The following PCDHGA5 variants were observed in gnomAD, a reference collection of about 807,000 sequenced individuals.
The protein encoded by PCDHGA5 is protocadherin gamma subfamily A, 5, also known as protocadherin gamma-A5.
In PCDHGA5, 36 loss-of-function variants were observed where a neutral mutation model predicts 56.7. The observed-to-expected ratio is 0.64, with a 90% CI of 0.49 to 0.84. The LOEUF is 0.84. PCDHGA5 is among the 40% of genes least tolerant of loss of function. The probability of loss-of-function intolerance (pLI) is 0.00; values close to 1 mark genes in which losing one functional copy is unlikely to be tolerated. For synonymous variants in PCDHGA5, 563 were observed against 520.2 expected (o/e 1.08, Z -1.12); for missense variants, 1,305 against 1,201.5 (o/e 1.09, Z -1.27).
Position 141,511,380 on chromosome 5 carries a change from C to T in PCDHGA5, c.*207C>T, listed in dbSNP as rs896762148. 1.5e-5 allele frequency: 18 copies of T among 1,170,372 alleles called. No homozygotes were observed. The highest frequency in any genetic ancestry group is 3.0e-4 in the Middle Eastern group (1 of 3,384). 72.5% of individuals were successfully genotyped at this position (1,170,372 alleles called of 1,614,324 possible). ...GGGGTTGAATATGCAAAAGCAGTTC[C>T]GCTGGGAACCCCCATCCAATCAACT... is the stretch of plus-strand genomic sequence containing the variant. On this transcript the variant is annotated 3_prime_UTR_variant, in exon 4 of 4. Coordinates refer to ENST00000518069, the MANE Select transcript of PCDHGA5 (RefSeq NM_018918.3).
intron 1 of PCDHGA5, among the ~76,000 whole-genome samples, chr5:141,457,046 T>A (rs2098905373): frequency 6.6e-6 from 1 of 152,198 alleles, no homozygotes; most frequent in South Asian, 2.1e-4. Flanking sequence ...ATAGTAAAAC[T>A]TTCATGCTTC....
At chr5:141,392,229 TTC>T (rs1184019586) in intron 1 of PCDHGA5, 5 of 152,224 alleles carry the variant, frequency 3.3e-5, no homozygotes, top group Admixed American at 6.5e-5. Context: ...ACAACTGAAG[TTC>T]TTAGTTATTT....
At chr5:141,410,161 ACT>A (rs758781174) in intron 1 of PCDHGA5, 27 of 1,613,102 alleles carry the variant, frequency 1.7e-5, no homozygotes, top group South Asian at 1.1e-5. Flanking sequence ...GACAGCCGCC[ACT>A]CTCTGCCACC....
At chr5:141,384,386 T>C in intron 1 of PCDHGA5, 1 of 1,613,954 alleles carries the variant, frequency 6.2e-7, no homozygotes, top group Non-Finnish European at 8.5e-7. Flanking sequence ...GAAGACACCA[T>C]CCAGGGGGCT....
In PCDHGA5 at chr5:141,481,399, T is replaced by G. The variant is rs35677249; in HGVS notation, c.2422-13408T>G. 1.9e-3 allele frequency among the ~76,000 whole-genome samples: 284 copies of G among 152,356 alleles called. 1 individual carries two copies. Among genetic ancestry groups the G allele is most frequent in the Middle Eastern group, 0.01 (3 of 294 alleles). ...TTCTTTTTGGAGGGATGTGACAAAA[T>G]TCTTGTATAATTAGATTGTGATGAT... is the stretch of plus-strand genomic sequence containing the variant. On this transcript the variant is annotated intron_variant, in intron 1 of 3. Transcript: ENST00000518069.
intron 1 of PCDHGA5, among the ~76,000 whole-genome samples, chr5:141,464,139 C>T (rs1200161549): frequency 6.6e-6 from 1 of 151,928 alleles, no homozygotes; most frequent in Admixed American, 6.6e-5. Flanking sequence ...GTGGTGGGCG[C>T]CTGTAGTCCC....
chr5:141,364,495 G>A lies in PCDHGA5; in HGVS notation c.165G>A (p.Glu55=). 2 of 1,614,036 alleles carry A rather than the reference G, an allele frequency of 1.2e-6. No individual in the cohort carries two copies. The highest frequency in any genetic ancestry group is 1.7e-6 in the Non-Finnish European group (2 of 1,179,906). The change falls in exon 1 of 4, where the codon GAG becomes GAA. Residue 55 remains glutamate (E), a synonymous_variant. Coordinates refer to ENST00000518069, the MANE Select transcript of PCDHGA5 (RefSeq NM_018918.3). ...VGNIAKDLGL[E]PQELAERGVR... Reference sequence around the variant, plus strand: ...ACATAGCCAAGGACCTTGGGCTGGAGCCCCAGGAGCTGGCGGAGCGCGGAG... The same window carrying A: ...ACATAGCCAAGGACCTTGGGCTGGAACCCCAGGAGCTGGCGGAGCGCGGAG...
At chr5:141,393,304 T>G (rs1317637425) in intron 1 of PCDHGA5, 3 of 1,613,680 alleles carry the variant, frequency 1.9e-6, no homozygotes, top group Admixed American at 1.7e-5. Context: ...GATGTGGGCG[T>G]GAACTCCCTC....
intron 1 of PCDHGA5, among the ~76,000 whole-genome samples, chr5:141,483,276 TA>T (rs755290434): frequency 2.2e-4 from 33 of 152,238 alleles, no homozygotes; most frequent in Non-Finnish European, 3.8e-4. Context: ...TTAGAAATAT[TA>T]TTCTGTCAGT....
chr5:141,382,075 C>T (rs1474505918), intron 1 of PCDHGA5, among the ~76,000 whole-genome samples: 3 of 151,956 alleles, frequency 2.0e-5, no homozygotes, highest in Non-Finnish European at 4.4e-5. Flanking sequence ...GTGATCCGCC[C>T]GCCTCGGCCT....
intron 2 of PCDHGA5, among the ~76,000 whole-genome samples, chr5:141,501,868 C>G (rs1016056445): frequency 1.3e-5 from 2 of 152,120 alleles, no homozygotes; most frequent in African/African-American, 2.4e-5. Flanking sequence ...TCCCAGGACG[C>G]CTCCTTACAC....
In PCDHGA5 at chr5:141,385,469, C is replaced by T. The variant is rs536184133; in HGVS notation, c.2421+18718C>T. 3.5e-5 allele frequency: 50 copies of T among 1,439,702 alleles called. No homozygotes were observed. In the South Asian group the frequency reaches 7.4e-4, roughly 21 times the overall value. The allele number at this position is 1,439,702 out of a possible 1,614,324, so 89.2% of individuals were successfully genotyped here. ...GTTTACCAGTTTCCTTCAGTGGTGA[C>T]ACTTTAATATAGAACACATAGGATA... On this transcript the variant is annotated intron_variant, in intron 1 of 3. Transcript: ENST00000518069.
At chr5:141,499,625 C>A (rs1238895570) in intron 2 of PCDHGA5, among the ~76,000 whole-genome samples, 1 of 149,832 alleles carries the variant, frequency 6.7e-6, no homozygotes, top group East Asian at 2.0e-4. Flanking sequence ...TCCTTGGATT[C>A]TTTTGAAGCA....
intron 1 of PCDHGA5, among the ~76,000 whole-genome samples, chr5:141,492,482 A>G (rs1339196127): frequency 6.6e-6 from 1 of 152,182 alleles, no homozygotes; most frequent in Non-Finnish European, 1.5e-5. Context: ...GCGGCCGCCC[A>G]GGACCAGGCG....
intron 1 of PCDHGA5, chr5:141,405,534 C>T: frequency 3.1e-6 from 2 of 648,486 alleles, no homozygotes; most frequent in Non-Finnish European, 5.3e-6. Flanking sequence ...ATTCTCCTGC[C>T]TCAGCCTCCC....
Position 141,366,610 on chromosome 5 carries a change from C to T in PCDHGA5, c.2280C>T (p.Thr760=), listed in dbSNP as rs1157276449. The stretch of plus-strand genomic sequence containing the variant: ...CCTATTCCCACGAGGTCTCCCTCAC[C>T]GCGGACTCGAGGAAGAGTCACCTGA... The part of the protein sequence containing the change: ...LQTYSHEVSL[T]ADSRKSHLIF... Residue 760 remains threonine (T), a synonymous_variant, in exon 1 of 4, where the codon ACC becomes ACT. Coordinates refer to ENST00000518069, the MANE Select transcript of PCDHGA5 (RefSeq NM_018918.3). The T allele has an allele frequency of 1.9e-6, 3 of 1,614,232 alleles. No individual in the cohort carries two copies. The highest frequency in any genetic ancestry group is 2.5e-6 in the Non-Finnish European group (3 of 1,180,042).
intron 1 of PCDHGA5, among the ~76,000 whole-genome samples, chr5:141,368,786 T>A (rs997077499): frequency 6.6e-6 from 1 of 152,202 alleles, no homozygotes; most frequent in Non-Finnish European, 1.5e-5. Flanking sequence ...TTCTGAAGAA[T>A]AATTTTTCAT....
At position 141,485,729 on chromosome 5, in the gene PCDHGA5, A is replaced by G. The variant is rs2099618322; in HGVS notation, c.2422-9078A>G. 6.2e-7 allele frequency: 1 copy of G among 1,614,092 alleles called. No individual in the cohort carries two copies. The highest frequency in any genetic ancestry group is 1.1e-5 in the South Asian group (1 of 91,094). ...CTTTGCACTGGATGTGAAGAAGCGCAGCGACGGCAGCCTGGTCCCAGAGCT... is the reference window on the plus strand; with the variant it reads ...CTTTGCACTGGATGTGAAGAAGCGCGGCGACGGCAGCCTGGTCCCAGAGCT... On this transcript the variant is annotated intron_variant, in intron 1 of 3. Coordinates refer to ENST00000518069, the MANE Select transcript of PCDHGA5 (RefSeq NM_018918.3). This position sits in a 1 kb window ranked among gnomAD's most constrained non-coding sequence, Gnocchi z 5.7.
chr5:141,409,038 A>G (rs571756448), intron 1 of PCDHGA5: 9 of 1,614,026 alleles, frequency 5.6e-6, no homozygotes, highest in Non-Finnish European at 7.6e-6. Flanking sequence ...GAGATAAACT[A>G]CTACTTCCGA....
Sources: gnomAD v4.1 joint callset for allele counts (sites outside exome capture counted in the v4.1 genomes callset) on GRCh38, gnomAD v4.1.1 for gene constraint, Gnocchi (gnomAD v3.1) non-coding constraint, MANE v1.5 for transcripts, NCBI Gene and HGNC (gene_info 2026-07-23, HGNC 2026-07-21) for gene names.